NOMO2: variants seen among roughly 807,000 people sequenced by gnomAD.
NOMO2 encodes the protein BOS complex subunit NOMO2.
In NOMO2, 14 loss-of-function variants were observed where a neutral mutation model predicts 67.1. The observed-to-expected ratio is 0.21, with a 90% CI of 0.14 to 0.33. The LOEUF (loss-of-function observed/expected upper bound fraction) is 0.33, where lower values mean the gene tolerates loss of function less well. NOMO2 is among the 10% of genes least tolerant of loss of function. NOMO2 has a pLI of 1.00. For missense variants in NOMO2, 178 were observed against 761.0 expected (o/e 0.23, Z 9.01); for synonymous variants, 80 against 305.9 (o/e 0.26, Z 7.71).
intron 6 of NOMO2, among the ~76,000 whole-genome samples, chr16:18,545,447 C>G (rs559091288): frequency 6.6e-6 from 1 of 151,788 alleles, no homozygotes; most frequent in South Asian, 2.1e-4. Context: ...ACCCCCAAAA[C>G]CAAAAGTCAT....
At chr16:18,551,897 T>C (rs1180557918) in intron 3 of NOMO2, among the ~76,000 whole-genome samples, 2 of 151,962 alleles carry the variant, frequency 1.3e-5, no homozygotes, top group African/African-American at 4.8e-5. Context: ...GACCAGGCAC[T>C]GAGCTGAGTG....
chr16:18,536,233 T>C (rs977142150), intron 11 of NOMO2, among the ~76,000 whole-genome samples: 1 of 152,080 alleles, frequency 6.6e-6, no homozygotes, highest in African/African-American at 2.4e-5. Context: ...AGGTCCTTCC[T>C]ATCCTATGCA....
intron 15 of NOMO2, among the ~76,000 whole-genome samples, chr16:18,528,250 T>C (rs1330037385): frequency 6.8e-6 from 1 of 146,118 alleles, no homozygotes; most frequent in Non-Finnish European, 1.5e-5. Context: ...AAAGAAGGGG[T>C]TAAGGAAGTG....
At chr16:18,549,059 AT>A (rs1471058464) in intron 5 of NOMO2, among the ~76,000 whole-genome samples, 3 of 140,816 alleles carry the variant, frequency 2.1e-5, no homozygotes, top group Admixed American at 7.4e-5. Context: ...GGCTCAAGCA[AT>A]CCTCCCGCCT....
At chr16:18,531,716 G>A (rs2141721546) in intron 12 of NOMO2, 109 bp from the exon 13 acceptor site, 1 of 1,555,726 alleles carries the variant, frequency 6.4e-7, no homozygotes, top group East Asian at 2.3e-5. Flanking sequence ...AGATTTTGAA[G>A]GCCAAAGGTT....
chr16:18,558,712 G>A, intron 1 of NOMO2: 1 of 391,466 alleles, frequency 2.6e-6, no homozygotes, highest in East Asian at 7.3e-5. Context: ...TGTTAACCCA[G>A]TAAGATGCCC....
chr16:18,539,499 G>A (rs1486874898), intron 9 of NOMO2, among the ~76,000 whole-genome samples: 2 of 151,690 alleles, frequency 1.3e-5, no homozygotes, highest in Non-Finnish European at 2.9e-5. Flanking sequence ...GTTCACGCCT[G>A]TAATCCCAGC....
intron 5 of NOMO2, among the ~76,000 whole-genome samples, chr16:18,547,836 A>G (rs8047439): frequency 1.3e-5 from 2 of 151,028 alleles, no homozygotes; most frequent in African/African-American, 2.4e-5. Flanking sequence ...AGAAACACAG[A>G]TAAGTCATTC....
Position 18,561,977 on chromosome 16 carries a change from G to T in NOMO2, c.64C>A (p.Leu22Met), listed in dbSNP as rs1902064976. 4.5e-6 allele frequency: 7 copies of T among 1,564,958 alleles called. No individual in the cohort carries two copies. The highest frequency in any genetic ancestry group is 6.1e-6 in the Non-Finnish European group (7 of 1,156,962). ...PAVVTAAVVLLLSGVGPAHGS... is the reference protein window; with the variant it reads ...PAVVTAAVVLMLSGVGPAHGS... ...TGCGCCGGCCCCACGCCGCTCAGCA[G>T]CAGCACCACCGCGGCGGTGACCACC... is the stretch of plus-strand genomic sequence containing the variant. The change falls in exon 1 of 31, where the codon CTG becomes ATG. Residue 22 changes from leucine to methionine, a missense_variant. Transcript: ENST00000622306.
At chr16:18,539,268 G>A (rs941307027) in intron 9 of NOMO2, among the ~76,000 whole-genome samples, 1 of 149,864 alleles carries the variant, frequency 6.7e-6, no homozygotes, top group African/African-American at 2.4e-5. Context: ...CCTTACCCCT[G>A]TGCCATCTCC....
chr16:18,536,697 A>G (rs1036766003), intron 11 of NOMO2, among the ~76,000 whole-genome samples: 17 of 152,172 alleles, frequency 1.1e-4, no homozygotes, highest in Non-Finnish European at 2.4e-4. Context: ...GAAGGGTGAA[A>G]GCCCCATCTC....
chr16:18,561,186 A>AC (rs1567249159), intron 1 of NOMO2, among the ~76,000 whole-genome samples: 45 of 128,278 alleles, frequency 3.5e-4, no homozygotes, highest in Middle Eastern at 4.1e-3. Flanking sequence ...AAAAAAAAAA[A>AC]AAAAAAAAAA....
At chr16:18,560,273 G>A (rs1902008193) in intron 1 of NOMO2, among the ~76,000 whole-genome samples, 1 of 151,682 alleles carries the variant, frequency 6.6e-6, no homozygotes, top group Non-Finnish European at 1.5e-5. Flanking sequence ...TGGACAGGCA[G>A]CCCTTGGGCT....
In NOMO2 at chr16:18,556,502, A is replaced by G. The variant is rs1336597862; in HGVS notation, c.255+1200T>C. Among the ~76,000 whole-genome samples, 30 of 142,068 alleles carry G rather than the reference A, an allele frequency of 2.1e-4. 1 individual carries two copies. The highest frequency in any genetic ancestry group is 5.8e-4 in the African/African-American group (22 of 37,742). The allele number at this position is 142,068 out of a possible 152,430, so 93.2% of individuals were successfully genotyped here. On this transcript the variant is annotated intron_variant, in intron 2 of 30. Transcript: ENST00000622306. ...GCTAATGTTGAAAGCATGCAAGAGG[A>G]AAAAACCAAATGTCCCTCTGGTATT...
chr16:18,555,558 T>C (rs966768669), intron 2 of NOMO2, among the ~76,000 whole-genome samples: 1 of 151,424 alleles, frequency 6.6e-6, no homozygotes, highest in African/African-American at 2.4e-5. Flanking sequence ...AACTCATTAA[T>C]TCAATAAATA....
chr16:18,561,799 G>A, intron 1 of NOMO2, 77 bp downstream of exon 1: 1 of 1,476,646 alleles, frequency 6.8e-7, no homozygotes, highest in Non-Finnish European at 9.0e-7. Context: ...CGGTGTCAGA[G>A]ACGAGGCCAG....
At chr16:18,561,192 A>AACAAAC (rs1651593196) in intron 1 of NOMO2, among the ~76,000 whole-genome samples, 1 of 143,410 alleles carries the variant, frequency 7.0e-6, no homozygotes, top group Non-Finnish European at 1.5e-5. Context: ...AAAAAAAAAA[A>AACAAAC]AAAAAAAAAA....
intron 4 of NOMO2, among the ~76,000 whole-genome samples, chr16:18,550,859 G>A (rs1901768508): frequency 6.6e-6 from 1 of 151,892 alleles, no homozygotes; most frequent in African/African-American, 2.4e-5. Context: ...GGCCATCCCT[G>A]ACATAAACGC....
Position 18,533,109 on chromosome 16 carries a change from C to T in NOMO2, c.1291G>A (p.Val431Ile). The T allele has an allele frequency of 1.2e-6, 2 of 1,611,266 alleles. No individual in the cohort carries two copies. Among genetic ancestry groups the T allele is most frequent in the African/African-American group, 1.3e-5 (1 of 74,868 alleles). The change falls in exon 12 of 31, where the codon GTT becomes ATT. Residue 431 changes from valine to isoleucine, a missense_variant. Transcript: ENST00000622306. The part of the protein sequence containing the change: ...DTVKQMNKYK[V>I]VLSSQDKDKS... ...TCCTTGTCTTGAGATGACAGGACAA[C>T]TTTGTATTTATTCATCTGCTTGACG...
Sources: gnomAD v4.1 joint callset for allele counts (sites outside exome capture counted in the v4.1 genomes callset) on GRCh38, gnomAD v4.1.1 for gene constraint, MANE v1.5 for transcripts, NCBI Gene and HGNC (gene_info 2026-07-23, HGNC 2026-07-21) for gene names.